The following FLII variants were observed in gnomAD, a reference collection of about 807,000 sequenced individuals.
FLII encodes FLII actin remodeling protein, also known as protein flightless-1 homolog.
FLII carries 101 observed loss-of-function variants against 156.2 expected under a neutral mutation model. That is an observed-to-expected ratio of 0.65 (90% CI 0.55 to 0.76). The LOEUF (loss-of-function observed/expected upper bound fraction) is 0.76. Among genes scored for constraint, FLII ranks in the 30% least tolerant of loss-of-function variants. The probability of loss-of-function intolerance (pLI) is 0.00; values close to 1 mark genes in which losing one functional copy is unlikely to be tolerated. For missense variants in FLII, 1,675 were observed against 1,682.8 expected (o/e 1.00, Z 0.08); for synonymous variants, 767 against 685.8 (o/e 1.12, Z -1.85).
chr17:18,256,515 C>A lies in FLII; in HGVS notation c.246+11G>T. The A allele has an allele frequency of 6.4e-7, 1 of 1,550,754 alleles. No individual in the cohort carries two copies. The highest frequency in any genetic ancestry group is 1.2e-5 in the South Asian group (1 of 84,046). ...AACCCCAAGCTCGGTGGCCTCCCGG[C>A]CAGCACTCACGCGCAGCGATGGCAG... On this transcript the variant is annotated intron_variant, in intron 3 of 29. Transcript: ENST00000327031.
Position 18,250,957 on chromosome 17 carries a change from C to G in FLII, c.1657G>C (p.Ala553Pro). 1.2e-5 allele frequency: 20 copies of G among 1,613,394 alleles called. No individual in the cohort carries two copies. Among genetic ancestry groups the G allele is most frequent in the Non-Finnish European group, 1.6e-5 (19 of 1,179,824 alleles). ...GAGCAAGCTTTCTTGTCGAGTGTGG[C>G]CTCCCCGCCAATCCAGTAGTAGATC... ...WEIYYWIGGE[A>P]TLDKKACSAI... Residue 553 changes from alanine (A) to proline (P), a missense_variant, in exon 14 of 30, where the codon GCC (alanine) becomes CCC (proline). By Grantham distance (27) the Ala-to-Pro change is conservative (BLOSUM62 -1). Transcript: ENST00000327031.
chr17:18,252,023 C>A lies in FLII; in HGVS notation c.1222G>T (p.Ala408Ser), dbSNP rs1174319246. The A allele has an allele frequency of 6.2e-7, 1 of 1,613,110 alleles. No homozygotes were observed. The highest frequency in any genetic ancestry group is 2.2e-5 in the East Asian group (1 of 44,882). ...NQLRLAGASPATVAAAAAAGS... is the reference protein window; with the variant it reads ...NQLRLAGASPSTVAAAAAAGS... ...CCAGCTGCAGCTGCAGCCACGGTAG[C>A]AGGAGAGGCACCCGCTAGCCGCAGC... Residue 408 changes from alanine to serine, a missense_variant, in exon 11 of 30, where the codon GCT becomes TCT. By Grantham distance (99) the Ala-to-Ser change is moderately conservative. This residue lies in a region of FLII where 1,332 missense variants were observed against 1,269.3 expected (regional missense o/e 1.05). Coordinates refer to ENST00000327031, the MANE Select transcript of FLII (RefSeq NM_002018.4).
At position 18,253,467 on chromosome 17, in the gene FLII, G is replaced by A; in HGVS notation, c.856-9C>T. The A allele has an allele frequency of 6.2e-7, 1 of 1,613,878 alleles. No individual in the cohort carries two copies. Among genetic ancestry groups the A allele is most frequent in the Non-Finnish European group, 8.5e-7 (1 of 1,180,042 alleles). On this transcript the variant is annotated splice_polypyrimidine_tract_variant and intron_variant, in intron 8 of 29. Transcript: ENST00000327031. Reference sequence around the variant, plus strand: ...AGCTTGCAAATGGCTGACTGGAGGGGGAACGGGCAGGGGTGGGAGGTCAGG... The same window carrying A: ...AGCTTGCAAATGGCTGACTGGAGGGAGAACGGGCAGGGGTGGGAGGTCAGG...
rs767370660 is a variant in FLII, at chr17:18,247,373, T to A, written c.2488-16A>T. The A allele has an allele frequency of 1.3e-6, 2 of 1,592,160 alleles. No individual in the cohort carries two copies. The highest frequency in any genetic ancestry group is 2.2e-5 in the South Asian group (2 of 89,154). On this transcript the variant is annotated splice_polypyrimidine_tract_variant and intron_variant, in intron 20 of 29. Coordinates refer to ENST00000327031, the MANE Select transcript of FLII (RefSeq NM_002018.4). Reference sequence around the variant, plus strand: ...CCTTGAACACCTGCCAGGGAGGCCATCAACTAACCATGAGGGGTGCGGCAT... The same window carrying A: ...CCTTGAACACCTGCCAGGGAGGCCAACAACTAACCATGAGGGGTGCGGCAT...
chr17:18,246,032 T>C lies in FLII; in HGVS notation c.3298A>G (p.Ile1100Val). Reference sequence around the variant, plus strand: ...GCCCGGCCCACCCAGGCATACACGATGCCCTGGTTGTCCTCACTCTCAAAG... The same window carrying C: ...GCCCGGCCCACCCAGGCATACACGACGCCCTGGTTGTCCTCACTCTCAAAG... ...VPFESEDNQG[I>V]VYAWVGRASD... Residue 1100 changes from isoleucine (I) to valine (V), a missense_variant, in exon 26 of 30, where the codon ATC becomes GTC. Ile to Val is a conservative substitution (Grantham distance 29, BLOSUM62 3). Transcript: ENST00000327031. 2 of 1,614,124 alleles carry C rather than the reference T, an allele frequency of 1.2e-6. No individual in the cohort carries two copies. Among genetic ancestry groups the C allele is most frequent in the Non-Finnish European group, 1.7e-6 (2 of 1,180,018 alleles).
In FLII at chr17:18,255,204, C is replaced by T; in HGVS notation, c.306G>A (p.Lys102=). 6.2e-7 allele frequency: 1 copy of T among 1,614,008 alleles called. No individual in the cohort carries two copies. Among genetic ancestry groups the T allele is most frequent in the Non-Finnish European group, 8.5e-7 (1 of 1,179,888 alleles). ...KNSGVPDDIF[K]LDDLSVLDLS... ...TGACCAGGACTGAGAGATCATCTAG[C>T]TTGAAGATGTCATCGGGGACTCCGG... The change falls in exon 4 of 30, where the codon AAG becomes AAA. Residue 102 remains lysine (K), a synonymous_variant. Transcript: ENST00000327031.
intron 21 of FLII, 35 bp downstream of exon 21, chr17:18,247,134 C>CCCA: frequency 1.2e-6 from 1 of 819,428 alleles, no homozygotes. Flanking sequence ...CCCCCCACCC[C>CCCA]CCCCCCCGCG....
rs1437000432 is a variant in FLII at position 18,253,419 on chromosome 17, G to C, written c.895C>G (p.Leu299Val). The change falls in exon 9 of 30, where the codon CTG (leucine) becomes GTG (valine). Residue 299 changes from leucine (L) to valine (V), a missense_variant. Coordinates refer to ENST00000327031, the MANE Select transcript of FLII (RefSeq NM_002018.4). Reference sequence around the variant, plus strand: ...TCAAAGTCCAGCTTGTTGGAATTCAGGTACAGCTTCTTCAGCTTGCTCAGC... The same window carrying C: ...TCAAAGTCCAGCTTGTTGGAATTCACGTACAGCTTCTTCAGCTTGCTCAGC... Reference protein sequence around the residue: ...CKLSKLKKLYLNSNKLDFDGL... With the variant: ...CKLSKLKKLYVNSNKLDFDGL... 6.2e-7 allele frequency: 1 copy of C among 1,613,824 alleles called. No individual in the cohort carries two copies. The highest frequency in any genetic ancestry group is 8.5e-7 in the Non-Finnish European group (1 of 1,180,038).
rs369002169 is a variant in FLII, at chr17:18,246,896, G to A, written c.2816+17C>T. On this transcript the variant is annotated intron_variant, in intron 22 of 29. Transcript: ENST00000327031. ...CACCAGGGGAGGGACTTGGGGAAGGGAGTGCTGAGGTGGTACCTGCAGAGG... is the reference window on the plus strand; with the variant it reads ...CACCAGGGGAGGGACTTGGGGAAGGAAGTGCTGAGGTGGTACCTGCAGAGG... The A allele has an allele frequency of 1.2e-6, 2 of 1,614,178 alleles. No individual in the cohort carries two copies. Among genetic ancestry groups the A allele is most frequent in the Non-Finnish European group, 1.7e-6 (2 of 1,180,002 alleles).
In FLII at chr17:18,247,998, C is replaced by T; in HGVS notation, c.2226G>A (p.Gln742=). ...GTTCCACGGAGAGCTTGTAGTTGAT[C>T]TGTGGCAGCTCCAGGTAGCCCAAGC... is the stretch of plus-strand genomic sequence containing the variant. ...GLGLGYLELP[Q]INYKLSVEHK... The change falls in exon 19 of 30, where the codon CAG becomes CAA. Residue 742 remains glutamine, a synonymous_variant. Coordinates refer to ENST00000327031, the MANE Select transcript of FLII (RefSeq NM_002018.4). 1 of 1,614,038 alleles carries T rather than the reference C, an allele frequency of 6.2e-7. No homozygotes were observed.
chr17:18,251,208 C>A, intron 13 of FLII, 57 bp downstream of exon 13: 1 of 1,564,774 alleles, frequency 6.4e-7, no homozygotes. Context: ...GGGGACTGAG[C>A]CATCTTAGAG....
rs377345597 is a variant in FLII, at chr17:18,254,551, T to C, written c.545A>G (p.Asn182Ser). 1.8e-5 allele frequency: 29 copies of C among 1,612,906 alleles called. No homozygotes were observed. The highest frequency in any genetic ancestry group is 3.3e-5 in the Admixed American group (2 of 59,914). The change falls in exon 6 of 30, where the codon AAT becomes AGT. Residue 182 changes from asparagine (N) to serine (S), a missense_variant. Asn to Ser is a conservative substitution (Grantham distance 46). Coordinates refer to ENST00000327031, the MANE Select transcript of FLII (RefSeq NM_002018.4). ...RLVHLQTLVLNGNPLLHAQLR... is the reference protein window; with the variant it reads ...RLVHLQTLVLSGNPLLHAQLR... ...CTGTGCATGCAGCAGGGGGTTTCCA[T>C]TGAGCACGAGCGTCTGCAGGTGCAC...
chr17:18,255,239 G>A lies in FLII; in HGVS notation c.271C>T (p.Leu91=), dbSNP rs781095123. The change falls in exon 4 of 30, where the codon CTG becomes TTG. Residue 91 remains leucine (L), a synonymous_variant. Transcript: ENST00000327031. The part of the protein sequence containing the change: ...LRAIVARANS[L]KNSGVPDDIF... ...TCATCGGGGACTCCGGAATTCTTCAGACTGTTGGCTCGGGCCACGATGGCC... is the reference window on the plus strand; with the variant it reads ...TCATCGGGGACTCCGGAATTCTTCAAACTGTTGGCTCGGGCCACGATGGCC... 1 of 1,614,046 alleles carries A rather than the reference G, an allele frequency of 6.2e-7. No individual in the cohort carries two copies. The highest frequency in any genetic ancestry group is 1.3e-5 in the African/African-American group (1 of 75,046).
In FLII at chr17:18,247,947, C is replaced by T. The variant is rs770659287; in HGVS notation, c.2277G>A (p.Leu759=). 1 of 1,614,148 alleles carries T rather than the reference C, an allele frequency of 6.2e-7. No individual in the cohort carries two copies. Among genetic ancestry groups the T allele is most frequent in the South Asian group, 1.1e-5 (1 of 91,086 alleles). Residue 759 remains leucine, a synonymous_variant, in exon 19 of 30, where the codon CTG becomes CTA. Transcript: ENST00000327031. Reference sequence around the variant, plus strand: ...CTCTTACCAGCCGCATTCTTGGCATCAGCTCCACCTTGGGACGCTGCTTAT... The same window carrying T: ...CTCTTACCAGCCGCATTCTTGGCATTAGCTCCACCTTGGGACGCTGCTTAT... ...VEHKQRPKVE[L]MPRMRLLQSL...
At chr17:18,252,187 C>T (rs781552123) in intron 10 of FLII, 41 bp from the exon 11 acceptor site, 6 of 1,563,096 alleles carry the variant, frequency 3.8e-6, no homozygotes, top group Non-Finnish European at 5.3e-6. Context: ...GAGCCTGGGT[C>T]CTACCTCCCA....
upstream of FLII, chr17:18,258,781 C>T (rs1289712528): frequency 1.6e-5 from 15 of 937,016 alleles, no homozygotes; most frequent in South Asian, 4.7e-5. This position sits in a 1 kb window ranked among gnomAD's most constrained non-coding sequence, Gnocchi z 4.2. Context: ...GCGCCGGCCC[C>T]GCCCCTTTAA....
Position 18,245,768 on chromosome 17 carries a change from T to G in FLII, c.3479A>C (p.Tyr1160Ser). 3 of 1,614,062 alleles carry G rather than the reference T, an allele frequency of 1.9e-6. No individual in the cohort carries two copies. In the South Asian group the frequency reaches 3.3e-5, roughly 18 times the overall value. ...CCGGAAGAGACGTGTGTGTTTCATG[T>G]ACTCGGCATCGTCATCATAGGGCTT... ...AQKPYDDDAE[Y>S]MKHTRLFRCS... Residue 1160 changes from tyrosine to serine, a missense_variant, in exon 27 of 30, where the codon TAC becomes TCC. Physicochemically the swap from Tyr to Ser is moderately radical, Grantham distance 144. Transcript: ENST00000327031.
rs571618320 is a variant in FLII at position 18,254,279 on chromosome 17, G to A, written c.576-97C>T. ...AGGACCAAAAGCACAGGGCCCAGAG[G>A]GTAGGTGTGAGGTCACATCTGGTTG... On this transcript the variant is annotated intron_variant, in intron 6 of 29. Coordinates refer to ENST00000327031, the MANE Select transcript of FLII (RefSeq NM_002018.4). 1.2e-5 allele frequency: 12 copies of A among 1,021,178 alleles called. No individual in the cohort carries two copies. The South Asian group carries it at 1.8e-4, about 15-fold the overall frequency. The allele number at this position is 1,021,178 out of a possible 1,614,324, so 63.3% of individuals were successfully genotyped here.
intron 14 of FLII, among the ~76,000 whole-genome samples, chr17:18,250,129 C>T (rs979331309): frequency 6.6e-6 from 1 of 152,096 alleles, no homozygotes; most frequent in African/African-American, 2.4e-5. Context: ...TAAAATAAAA[C>T]ATACACATCT....
Sources: gnomAD v4.1 joint callset for allele counts (sites outside exome capture counted in the v4.1 genomes callset) on GRCh38, gnomAD v4.1.1 for gene constraint, gnomAD v4.1.1 regional missense constraint, Gnocchi (gnomAD v3.1) non-coding constraint, MANE v1.5 for transcripts, NCBI Gene and HGNC (gene_info 2026-07-23, HGNC 2026-07-21) for gene names.